The following CNTLN variants were observed in gnomAD, a reference collection of about 807,000 sequenced individuals.
The protein encoded by CNTLN is centlein, centrosomal protein.
Under a neutral mutation model 180.0 loss-of-function variants are expected in CNTLN, and 212 were observed. That is an observed-to-expected ratio of 1.18 (90% CI 1.05 to 1.32). The LOEUF (loss-of-function observed/expected upper bound fraction) is 1.32, where lower values mean the gene tolerates loss of function less well. Among genes scored for constraint, CNTLN ranks in the 40% most tolerant of loss-of-function variants. CNTLN has a pLI of 0.00. For missense variants in CNTLN, 2,095 were observed against 1,610.9 expected, an observed-to-expected ratio of 1.30 and a Z score of -5.14; for synonymous variants, 722 against 563.1, an observed-to-expected ratio of 1.28 and a Z score of -3.99.
chr9:17,191,930 A>G (rs1350492856), intron 2 of CNTLN, among the ~76,000 whole-genome samples: 2 of 152,174 alleles, frequency 1.3e-5, no homozygotes, highest in Non-Finnish European at 2.9e-5. Flanking sequence ...GTAATGGACT[A>G]AGGATGTTGC....
chr9:17,476,136 C>G (rs1832330257), intron 23 of CNTLN, among the ~76,000 whole-genome samples: 1 of 151,770 alleles, frequency 6.6e-6, no homozygotes, highest in South Asian at 2.1e-4. Flanking sequence ...TTATGGTGTT[C>G]TGTGATCATT....
chr9:17,370,691 C>G (rs781121078), intron 13 of CNTLN, among the ~76,000 whole-genome samples: 1 of 152,102 alleles, frequency 6.6e-6, no homozygotes, highest in Non-Finnish European at 1.5e-5. Context: ...ATACAAACTA[C>G]TCTTAAGTAG....
chr9:17,187,222 A>G (rs976605216), intron 2 of CNTLN, among the ~76,000 whole-genome samples: 2 of 152,118 alleles, frequency 1.3e-5, no homozygotes, highest in Admixed American at 6.5e-5. Context: ...ATCTGCAAAG[A>G]CAAATATCTG....
chr9:17,303,048 C>T (rs2132845889), intron 7 of CNTLN, among the ~76,000 whole-genome samples: 1 of 152,280 alleles, frequency 6.6e-6, no homozygotes, highest in East Asian at 1.9e-4. Context: ...TTAAGCCTCG[C>T]ACCAACCTGA....
intron 1 of CNTLN, among the ~76,000 whole-genome samples, chr9:17,142,461 T>C (rs1306742418): frequency 6.6e-6 from 1 of 152,154 alleles, no homozygotes; most frequent in East Asian, 1.9e-4. Context: ...ATAATTTTTT[T>C]TTGAACAAGT....
the CNTLN span, among the ~76,000 whole-genome samples, chr9:17,528,401 A>G: frequency 1.3e-5 from 2 of 152,198 alleles, no homozygotes; most frequent in South Asian, 2.1e-4. Context: ...GATTATGAAG[A>G]GGACATTAGA....
At chr9:17,502,170 A>G (rs747861074) in intron 25 of CNTLN, among the ~76,000 whole-genome samples, 65 of 152,294 alleles carry the variant, frequency 4.3e-4, no homozygotes, top group Admixed American at 1.5e-3. Flanking sequence ...TTCTTTTATG[A>G]GTGATGAACA....
intron 6 of CNTLN, among the ~76,000 whole-genome samples, chr9:17,284,683 T>A (rs1312414888): frequency 6.6e-6 from 1 of 152,164 alleles, no homozygotes; most frequent in East Asian, 1.9e-4. Flanking sequence ...TCTATCCATT[T>A]TATTAATTTT....
intron 2 of CNTLN, among the ~76,000 whole-genome samples, chr9:17,222,334 A>G (rs1824190797): frequency 6.6e-6 from 1 of 152,026 alleles, no homozygotes; most frequent in Non-Finnish European, 1.5e-5. Context: ...CTTAATTGAT[A>G]TGGTTAGGCT....
At chr9:17,190,276 A>G (rs913832939) in intron 2 of CNTLN, among the ~76,000 whole-genome samples, 7 of 151,354 alleles carry the variant, frequency 4.6e-5, no homozygotes, top group African/African-American at 1.7e-4. Context: ...TACAGTTTTC[A>G]AGGTTTTTTA....
chr9:17,140,898 G>A (rs557293097), intron 1 of CNTLN, among the ~76,000 whole-genome samples: 25 of 152,038 alleles, frequency 1.6e-4, no homozygotes, highest in Non-Finnish European at 2.5e-4. Context: ...TTCTAATCTT[G>A]GAATAGAGAA....
At chr9:17,388,045 A>C (rs978773573) in intron 13 of CNTLN, 117 bp from the exon 14 acceptor site, 1 of 538,750 alleles carries the variant, frequency 1.9e-6, no homozygotes, top group Non-Finnish European at 3.1e-6. Flanking sequence ...ATACTTGACA[A>C]GAAAATAGCC....
intron 25 of CNTLN, among the ~76,000 whole-genome samples, chr9:17,492,565 C>G (rs1241397526): frequency 6.6e-6 from 1 of 152,042 alleles, no homozygotes; most frequent in Non-Finnish European, 1.5e-5. Flanking sequence ...CTTTAAAAAG[C>G]TTAAACTCTA....
Position 17,330,811 on chromosome 9 carries a change from A to ATTTT in CNTLN, c.1518+3_1518+4insTTTT. 6.3e-7 allele frequency: 1 copy of ATTTT among 1,595,594 alleles called. No individual in the cohort carries two copies. Among genetic ancestry groups the ATTTT allele is most frequent in the East Asian group, 2.3e-5 (1 of 43,938 alleles). On this transcript the variant is annotated splice_donor_region_variant and intron_variant, in intron 9 of 25. Transcript: ENST00000380647. ...CAAGTGCTGAAGGAAAACATAAGGT[A>ATTTT]GGGACATTTTGTCATTTTGTGAATT...
intron 2 of CNTLN, among the ~76,000 whole-genome samples, chr9:17,171,141 A>G (rs1002192436): frequency 6.6e-5 from 10 of 152,212 alleles, no homozygotes; most frequent in African/African-American, 2.4e-4. Flanking sequence ...TGACAATTCA[A>G]ATATCTGCAC....
chr9:17,498,269 C>T lies in CNTLN; in HGVS notation c.4120-4282C>T, dbSNP rs112794034. Reference sequence around the variant, plus strand: ...TTTTTATGTTTTGCAATCATTTAAGCTCTGCTATTTTTCTAAGATAGTTCT... The same window carrying T: ...TTTTTATGTTTTGCAATCATTTAAGTTCTGCTATTTTTCTAAGATAGTTCT... On this transcript the variant is annotated intron_variant, in intron 25 of 25. Transcript: ENST00000380647. Among the ~76,000 whole-genome samples, 1,398 of 152,106 alleles carry T rather than the reference C, an allele frequency of 9.2e-3. 13 individuals are homozygous for T. Among genetic ancestry groups the T allele is most frequent in the Non-Finnish European group, 0.014 (931 of 67,972 alleles).
chr9:17,389,945 C>G (rs1433334569), intron 14 of CNTLN, among the ~76,000 whole-genome samples: 1 of 151,784 alleles, frequency 6.6e-6, no homozygotes, highest in Non-Finnish European at 1.5e-5. Flanking sequence ...TGACTGGTGT[C>G]TTTATTTAAA....
chr9:17,152,874 T>C (rs1012560290), intron 2 of CNTLN, among the ~76,000 whole-genome samples: 21 of 152,124 alleles, frequency 1.4e-4, no homozygotes, highest in Non-Finnish European at 2.5e-4. Context: ...TTTAGGATAG[T>C]TCACTCTTGC....
At chr9:17,136,420 C>T (rs1817720348) in intron 1 of CNTLN, among the ~76,000 whole-genome samples, 2 of 152,192 alleles carry the variant, frequency 1.3e-5, no homozygotes, top group Admixed American at 1.3e-4. Flanking sequence ...AGCTCCGCCT[C>T]CCGGGTTCAC....
Sources: gnomAD v4.1 joint callset for allele counts (sites outside exome capture counted in the v4.1 genomes callset) on GRCh38, gnomAD v4.1.1 for gene constraint, MANE v1.5 for transcripts, NCBI Gene and HGNC (gene_info 2026-07-23, HGNC 2026-07-21) for gene names.